The following VPS37B variants were observed in gnomAD, a reference collection of about 807,000 sequenced individuals.
VPS37B encodes the protein VPS37B subunit of ESCRT-I, also known as vacuolar protein sorting-associated protein 37B.
A neutral mutation model predicts 21.2 loss-of-function variants in VPS37B; 11 were observed. The observed-to-expected ratio is 0.52, with a 90% CI of 0.33 to 0.86. VPS37B has a LOEUF of 0.86. Among genes scored for constraint, VPS37B ranks in the 40% least tolerant of loss-of-function variants. The pLI is 0.03. For synonymous variants in VPS37B, 175 were observed against 159.6 expected, an observed-to-expected ratio of 1.10 and a Z score of -0.73; for missense variants, 389 against 374.8, an observed-to-expected ratio of 1.04 and a Z score of -0.31.
At position 122,866,166 on chromosome 12, in the gene VPS37B, C is replaced by A. The variant is rs1212208988; in HGVS notation, c.*950G>T. ...CCCCTAGCAGGTGTGAGTCCCGGCA[C>A]CTGGGGAAGCTAAGGCACAGCACGG... On this transcript the variant is annotated 3_prime_UTR_variant, in exon 4 of 4. Transcript: ENST00000267202. The A allele has an allele frequency of 6.6e-6, 1 of 152,646 alleles. No homozygotes were observed. Among genetic ancestry groups the A allele is most frequent in the African/African-American group, 2.4e-5 (1 of 41,440 alleles). 9.5% of individuals were successfully genotyped at this position (152,646 alleles called of 1,614,324 possible). A position where few individuals can be genotyped will look rare whatever the true frequency, so the allele number is the denominator to read the frequency against.
chr12:122,879,786 C>T (rs1384069653), intron 1 of VPS37B: 2 of 152,124 alleles, frequency 1.3e-5, no homozygotes, highest in East Asian at 3.9e-4. Flanking sequence ...GAACCTAGCG[C>T]AGTACCCAGG....
At chr12:122,876,783 G>C (rs976629640) in intron 1 of VPS37B, 1 of 152,140 alleles carries the variant, frequency 6.6e-6, no homozygotes, top group African/African-American at 2.4e-5. Flanking sequence ...TTGGGTTGGG[G>C]GAGTGTGGTA....
chr12:122,890,337 C>CT (rs1169226130), intron 1 of VPS37B, among the ~76,000 whole-genome samples: 1,573 of 141,270 alleles, frequency 0.011, 15 homozygotes, highest in African/African-American at 0.03. Flanking sequence ...TCACACGTGG[C>CT]TTTTTTTTTT....
chr12:122,877,453 C>T (rs2034171522), intron 1 of VPS37B: 1 of 152,222 alleles, frequency 6.6e-6, no homozygotes, highest in African/African-American at 2.4e-5. Flanking sequence ...GCAATCATGG[C>T]TCACTGCAAC....
At position 122,895,820 on chromosome 12, in the gene VPS37B, C is replaced by G. The variant is rs1420459212; in HGVS notation, c.111+132G>C. ...CCTGGCTCCCGCACCCCGCCCCAAGCGCCCCCATTTCTAGCCCAGTCCCCT... is the reference window on the plus strand; with the variant it reads ...CCTGGCTCCCGCACCCCGCCCCAAGGGCCCCCATTTCTAGCCCAGTCCCCT... On this transcript the variant is annotated intron_variant, in intron 1 of 3. Transcript: ENST00000267202. The G allele has an allele frequency of 2.3e-5, 17 of 739,230 alleles. No homozygotes were observed. The East Asian group carries it at 5.1e-4, about 22-fold the overall frequency. 45.8% of individuals were successfully genotyped at this position (739,230 alleles called of 1,614,324 possible).
chr12:122,893,818 T>C (rs1208410453), intron 1 of VPS37B, among the ~76,000 whole-genome samples: 1 of 66,046 alleles, frequency 1.5e-5, no homozygotes, highest in Non-Finnish European at 3.1e-5. Flanking sequence ...AAGGTCACTT[T>C]TACTCAAAAA....
chr12:122,890,029 G>A (rs981594968), intron 1 of VPS37B: 1 of 152,176 alleles, frequency 6.6e-6, no homozygotes, highest in Non-Finnish European at 1.5e-5. Flanking sequence ...CACAACAGTG[G>A]ACATGGGGAA....
At chr12:122,891,679 C>T (rs918598873) in intron 1 of VPS37B, among the ~76,000 whole-genome samples, 2 of 152,184 alleles carry the variant, frequency 1.3e-5, no homozygotes, top group Non-Finnish European at 2.9e-5. Context: ...CAAATCTTAG[C>T]TTCTAAAACA....
rs1001726529 is a variant in VPS37B, at chr12:122,867,771, G to A, written c.367-164C>T. Among the ~76,000 whole-genome samples, 21 of 152,136 alleles carry A rather than the reference G, an allele frequency of 1.4e-4. No individual in the cohort carries two copies. Among genetic ancestry groups the A allele is most frequent in the African/African-American group, 4.8e-4 (20 of 41,394 alleles). On this transcript the variant is annotated intron_variant, in intron 3 of 3. Coordinates refer to ENST00000267202, the MANE Select transcript of VPS37B (RefSeq NM_024667.3). The surrounding 1 kb of genome is among the most constrained non-coding windows in gnomAD (Gnocchi z 5.5). ...CTGCTCCAGATCCCAGAGGTCATGG[G>A]CTCAGGCTTCAGCATGAGCTGCCAC...
chr12:122,886,376 T>G (rs1161647171), intron 1 of VPS37B: 1 of 152,032 alleles, frequency 6.6e-6, no homozygotes, highest in African/African-American at 2.4e-5. Context: ...ATCCCAACAC[T>G]CGAGAGGCCA....
At chr12:122,889,338 C>T (rs951860316) in intron 1 of VPS37B, 1 of 152,496 alleles carries the variant, frequency 6.6e-6, no homozygotes, top group African/African-American at 2.4e-5. Flanking sequence ...TAGCTCAAAT[C>T]CTAATTTCTT....
intron 1 of VPS37B, chr12:122,886,446 C>G (rs550474523): frequency 3.3e-5 from 5 of 152,250 alleles, no homozygotes; most frequent in Middle Eastern, 3.4e-3. Context: ...CATAGCAAGA[C>G]CTCATCTACA....
chr12:122,866,785 G>C lies in VPS37B; in HGVS notation c.*331C>G. ...ATGCTCATTAAATAAAGCTGCAACA[G>C]AAGGACCACGATTCTAAATGGGACT... On this transcript the variant is annotated 3_prime_UTR_variant, in exon 4 of 4. Coordinates refer to ENST00000267202, the MANE Select transcript of VPS37B (RefSeq NM_024667.3). 3.5e-6 allele frequency: 1 copy of C among 285,404 alleles called. No individual in the cohort carries two copies. The highest frequency in any genetic ancestry group is 6.5e-6 in the Non-Finnish European group (1 of 154,044). 17.7% of individuals were successfully genotyped at this position (285,404 alleles called of 1,614,324 possible).
chr12:122,886,519 G>A (rs1328011741), intron 1 of VPS37B: 1 of 152,204 alleles, frequency 6.6e-6, no homozygotes, highest in Non-Finnish European at 1.5e-5. Flanking sequence ...CTACTCAGGA[G>A]GCTCGTTTGA....
intron 1 of VPS37B, chr12:122,883,254 A>G (rs998922358): frequency 5.3e-5 from 8 of 152,344 alleles, no homozygotes; most frequent in African/African-American, 1.9e-4. Context: ...TTCCCTCGAA[A>G]AGGAACAGAC....
chr12:122,895,857 G>C (rs2135716211), intron 1 of VPS37B, 95 bp downstream of exon 1: 1 of 1,141,342 alleles, frequency 8.8e-7, no homozygotes, highest in Non-Finnish European at 1.3e-6. Flanking sequence ...AACACGACCG[G>C]AGGCGCCGCG....
In VPS37B at chr12:122,868,827, TTA is replaced by T. The variant is rs2033961535; in HGVS notation, c.284-267_284-266del. Among the ~76,000 whole-genome samples, 1 of 152,100 alleles carries T rather than the reference TTA, an allele frequency of 6.6e-6. No individual in the cohort carries two copies. Among genetic ancestry groups the T allele is most frequent in the Admixed American group, 6.5e-5 (1 of 15,280 alleles). On this transcript the variant is annotated intron_variant, in intron 2 of 3. Transcript: ENST00000267202. The surrounding 1 kb of genome is among the most constrained non-coding windows in gnomAD (Gnocchi z 5.5). ...CTCATCATGCCACTTTGTATTTCCTTTATGTTTTGAGTGGTAACTTACATCGA... is the reference window on the plus strand; with the variant it reads ...CTCATCATGCCACTTTGTATTTCCTTTGTTTTGAGTGGTAACTTACATCGA...
intron 1 of VPS37B, chr12:122,878,285 G>T (rs1217035550): frequency 6.6e-6 from 1 of 151,718 alleles, no homozygotes; most frequent in East Asian, 1.9e-4. Context: ...CTTGAACCCG[G>T]GAGGCAGAGG....
chr12:122,867,106 G>T lies in VPS37B; in HGVS notation c.*10C>A. 6.6e-7 allele frequency: 1 copy of T among 1,514,954 alleles called. No individual in the cohort carries two copies. The highest frequency in any genetic ancestry group is 8.8e-7 in the Non-Finnish European group (1 of 1,137,278). The allele number at this position is 1,514,954 out of a possible 1,614,324, so 93.8% of individuals were successfully genotyped here. On this transcript the variant is annotated 3_prime_UTR_variant, in exon 4 of 4. Transcript: ENST00000267202. This position sits in a 1 kb window ranked among gnomAD's most constrained non-coding sequence, Gnocchi z 5.5. Reference sequence around the variant, plus strand: ...TGGAAGAAGTCTCCCGGGAAGGACCGCGCCGGCGCTCACTGGAGGATGAAA... The same window carrying T: ...TGGAAGAAGTCTCCCGGGAAGGACCTCGCCGGCGCTCACTGGAGGATGAAA...
Sources: gnomAD v4.1 joint callset for allele counts (sites outside exome capture counted in the v4.1 genomes callset) on GRCh38, gnomAD v4.1.1 for gene constraint, Gnocchi (gnomAD v3.1) non-coding constraint, MANE v1.5 for transcripts, NCBI Gene and HGNC (gene_info 2026-07-23, HGNC 2026-07-21) for gene names.